The following GLIS3 variants were observed in gnomAD, a reference collection of about 807,000 sequenced individuals.
The protein encoded by GLIS3 is GLIS family zinc finger 3, also known as zinc finger protein GLIS3.
A neutral mutation model predicts 78.6 loss-of-function variants in GLIS3; 53 were observed. The ratio of observed to expected loss-of-function variants is 0.67; its 90% CI spans 0.54 to 0.85. The LOEUF is 0.85. Among genes scored for constraint, GLIS3 ranks in the 40% least tolerant of loss-of-function variants. The pLI is 0.00. For synonymous variants in GLIS3, 684 were observed against 509.9 expected (o/e 1.34, Z -4.60); for missense variants, 1,703 against 1,231.1 (o/e 1.38, Z -5.74).
In GLIS3 at chr9:4,025,205, T is replaced by A. The variant is rs552571080; in HGVS notation, c.1711-88016A>T. On this transcript the variant is annotated intron_variant, in intron 4 of 10. Coordinates refer to ENST00000381971, the MANE Select transcript of GLIS3 (RefSeq NM_001042413.2). The stretch of plus-strand genomic sequence containing the variant: ...AGGCAGACGTTGCAGTGAGCCAAGA[T>A]GGCGGCACTGCACTCCAACCTAGGC... 9.2e-5 allele frequency among the ~76,000 whole-genome samples: 14 copies of A among 151,394 alleles called. No homozygotes were observed. In the South Asian group the frequency reaches 2.9e-3, roughly 32 times the overall value.
chr9:4,375,987 T>G, the GLIS3 span, among the ~76,000 whole-genome samples: 96,795 of 152,248 alleles, frequency 0.64, 30,887 homozygotes, highest in East Asian at 0.69. Context: ...TAAAAGAAAG[T>G]GAGTCCCTGA....
chr9:4,302,863 G>A (rs974521876), upstream of GLIS3, among the ~76,000 whole-genome samples: 1 of 152,212 alleles, frequency 6.6e-6, no homozygotes, highest in Non-Finnish European at 1.5e-5. Context: ...CCTGCAATGT[G>A]ACATGGAGTA....
intron 8 of GLIS3, among the ~76,000 whole-genome samples, chr9:3,862,520 CATTT>C (rs1330494737): frequency 2.0e-5 from 3 of 152,154 alleles, no homozygotes; most frequent in Non-Finnish European, 4.4e-5. Context: ...TCAATGTACA[CATTT>C]ATTTCTTTAA....
At chr9:4,384,315 T>G in the GLIS3 span, among the ~76,000 whole-genome samples, 3 of 150,850 alleles carry the variant, frequency 2.0e-5, no homozygotes, top group South Asian at 6.4e-4. Flanking sequence ...ATAATACTGT[T>G]CAGTTAGCCA....
chr9:4,094,670 A>C (rs1202554080), intron 4 of GLIS3, among the ~76,000 whole-genome samples: 1 of 152,240 alleles, frequency 6.6e-6, no homozygotes, highest in African/African-American at 2.4e-5. Flanking sequence ...TCAACTAGCC[A>C]GTGTTAAAGG....
At chr9:4,056,487 A>G (rs1336056520) in intron 4 of GLIS3, among the ~76,000 whole-genome samples, 1 of 152,126 alleles carries the variant, frequency 6.6e-6, no homozygotes, top group Admixed American at 6.5e-5. Flanking sequence ...CCTTTGGGAG[A>G]GGTAACAAAT....
the GLIS3 span, among the ~76,000 whole-genome samples, chr9:4,484,112 C>T: frequency 1.3e-4 from 20 of 152,154 alleles, no homozygotes; most frequent in African/African-American, 4.1e-4. Flanking sequence ...CCACTTGGCC[C>T]GCTGAAATTG....
chr9:4,050,295 C>T (rs905314183), intron 4 of GLIS3, among the ~76,000 whole-genome samples: 11 of 152,132 alleles, frequency 7.2e-5, no homozygotes, highest in Non-Finnish European at 1.6e-4. Context: ...ATGTCCTTTG[C>T]AGGGACATGG....
upstream of GLIS3, among the ~76,000 whole-genome samples, chr9:4,353,045 G>C (rs1817995090): frequency 6.6e-6 from 1 of 152,134 alleles, no homozygotes; most frequent in East Asian, 1.9e-4. Context: ...TCTCTGGAAA[G>C]TTTTTTCAGC....
chr9:4,146,075 G>A (rs1310569876), intron 2 of GLIS3, among the ~76,000 whole-genome samples: 1 of 152,104 alleles, frequency 6.6e-6, no homozygotes, highest in Non-Finnish European at 1.5e-5. Flanking sequence ...TAGGTACTTT[G>A]TTCTAAAGAT....
intron 2 of GLIS3, among the ~76,000 whole-genome samples, chr9:4,258,670 T>C (rs1269734063): frequency 1.3e-5 from 2 of 152,102 alleles, no homozygotes; most frequent in Non-Finnish European, 2.9e-5. Flanking sequence ...CTTAGAAACC[T>C]CAGAAACATC....
chr9:4,358,410 C>T, the GLIS3 span, among the ~76,000 whole-genome samples: 662 of 152,124 alleles, frequency 4.4e-3, 6 homozygotes, highest in African/African-American at 0.015. Context: ...CTTCACAAAC[C>T]GAAATGTTCA....
chr9:4,168,771 C>T (rs911492), intron 2 of GLIS3, among the ~76,000 whole-genome samples: 132,072 of 152,206 alleles, frequency 0.87, 57,391 homozygotes, highest in East Asian at 0.98. Flanking sequence ...TTCTCTTTAA[C>T]GCTGAAGGCC....
At chr9:4,325,283 G>A (rs541956074) in intron 2 of GLIS3, among the ~76,000 whole-genome samples, 1 of 152,272 alleles carries the variant, frequency 6.6e-6, no homozygotes, top group African/African-American at 2.4e-5. Flanking sequence ...ATGTCTTCTT[G>A]ATGAGTGACA....
chr9:4,479,721 G>C, the GLIS3 span, among the ~76,000 whole-genome samples: 4 of 151,962 alleles, frequency 2.6e-5, no homozygotes, highest in Non-Finnish European at 2.9e-5. Flanking sequence ...CCCAGGTTAG[G>C]AAGGGGCAAC....
chr9:3,971,904 G>T (rs10814811), intron 4 of GLIS3, among the ~76,000 whole-genome samples: 1 of 151,954 alleles, frequency 6.6e-6, no homozygotes, highest in East Asian at 1.9e-4. Context: ...GGCAGTGCTG[G>T]GGATACTGAG....
intron 2 of GLIS3, among the ~76,000 whole-genome samples, chr9:4,165,042 G>A (rs888064460): frequency 2.6e-5 from 4 of 152,164 alleles, no homozygotes; most frequent in East Asian, 1.9e-4. Flanking sequence ...CATGTAGGCT[G>A]TGTTTCATCC....
chr9:4,403,694 G>C, the GLIS3 span, among the ~76,000 whole-genome samples: 1 of 151,840 alleles, frequency 6.6e-6, no homozygotes, highest in Non-Finnish European at 1.5e-5. Flanking sequence ...CAAGACTCAT[G>C]GTAACCTCAA....
chr9:4,032,922 C>A (rs147959367), intron 4 of GLIS3, among the ~76,000 whole-genome samples: 17,178 of 151,452 alleles, frequency 0.11, 1,075 homozygotes, highest in African/African-American at 0.15. Flanking sequence ...GGCGCAATCT[C>A]GGCTCACTGC....
Sources: allele counts gnomAD v4.1 joint callset (sites outside exome capture counted in the v4.1 genomes callset), GRCh38; gene constraint gnomAD v4.1.1; transcripts MANE v1.5; gene names NCBI Gene and HGNC (gene_info 2026-07-23, HGNC 2026-07-21).